Variants in PHYHIPL observed in about 807,000 individuals in gnomAD.
The protein encoded by PHYHIPL is phytanoyl-CoA 2-hydroxylase interacting protein like.
Under a neutral mutation model 33.4 loss-of-function variants are expected in PHYHIPL, and 9 were observed. The ratio of observed to expected loss-of-function variants is 0.27; its 90% CI spans 0.16 to 0.47. The LOEUF is 0.47. Among genes scored for constraint, PHYHIPL ranks in the 20% least tolerant of loss-of-function variants. The pLI is 0.99. For synonymous variants in PHYHIPL, 153 were observed against 154.1 expected (o/e 0.99, Z 0.05); for missense variants, 365 against 460.7 (o/e 0.79, Z 1.90).
chr10:59,177,106 C>T, intron 1 of PHYHIPL, 147 bp downstream of exon 1: 1 of 661,232 alleles, frequency 1.5e-6, no homozygotes, highest in South Asian at 2.0e-5. Context: ...GGTTACCCTC[C>T]GCCCACCGCC....
rs532480078 is a variant in PHYHIPL at position 59,231,928 on chromosome 10, A to G, written c.107-2376A>G. Among the ~76,000 whole-genome samples, 7 of 152,170 alleles carry G rather than the reference A, an allele frequency of 4.6e-5. No homozygotes were observed. The East Asian group carries it at 1.3e-3, about 29-fold the overall frequency. On this transcript the variant is annotated intron_variant, in intron 1 of 4. Transcript: ENST00000373880. ...TAGCAAAATAAAAAAATTAAAATGT[A>G]CCTCCACCTTGGGGGGAAAAGTTCT... is the stretch of plus-strand genomic sequence containing the variant.
intron 1 of PHYHIPL, among the ~76,000 whole-genome samples, chr10:59,197,144 T>C (rs16913289): frequency 0.091 from 13,865 of 152,226 alleles, 1,558 homozygotes; most frequent in African/African-American, 0.26. Context: ...TTCTCAGGCA[T>C]TGACCTTCAG....
At chr10:59,176,624 G>T, upstream of PHYHIPL, 1 of 367,170 alleles carries the variant, frequency 2.7e-6, no homozygotes, top group Admixed American at 4.7e-5. Context: ...TCCTCGCGCC[G>T]GGTCCTGCTC....
At chr10:59,177,961 A>T (rs938914164) in intron 1 of PHYHIPL, among the ~76,000 whole-genome samples, 2 of 152,230 alleles carry the variant, frequency 1.3e-5, no homozygotes, top group African/African-American at 4.8e-5. Context: ...GTTTAACTGT[A>T]TATAGAGGTA....
Position 59,240,756 on chromosome 10 carries a change from A to G in PHYHIPL, c.596+2051A>G, listed in dbSNP as rs79484639. 9.6e-3 allele frequency among the ~76,000 whole-genome samples: 1,461 copies of G among 152,208 alleles called. 5 individuals carry two copies. The highest frequency in any genetic ancestry group is 0.021 in the Admixed American group (317 of 15,270). ...GGTTTATATTCCTGGAACATTGCCA[A>G]TATCTATTTTAGGTGGCCACTGGAG... On this transcript the variant is annotated intron_variant, in intron 4 of 4. Transcript: ENST00000373880.
chr10:59,216,494 A>T (rs1839616160), intron 1 of PHYHIPL, among the ~76,000 whole-genome samples: 1 of 152,028 alleles, frequency 6.6e-6, no homozygotes, highest in African/African-American at 2.4e-5. Context: ...GCATTTTTTC[A>T]TGGACTGCTT....
At chr10:59,205,760 G>A (rs569276403) in intron 1 of PHYHIPL, among the ~76,000 whole-genome samples, 1 of 152,166 alleles carries the variant, frequency 6.6e-6, no homozygotes, top group African/African-American at 2.4e-5. Context: ...TATTTTTCAG[G>A]CAGAAAAAGG....
chr10:59,180,316 A>ATG (rs1219566088), intron 1 of PHYHIPL, among the ~76,000 whole-genome samples: 71 of 5,886 alleles, frequency 0.012, no homozygotes, highest in South Asian at 0.068. Flanking sequence ...TAGAAAAAGT[A>ATG]TATATATATA....
chr10:59,182,319 T>C (rs1186104135), intron 1 of PHYHIPL, among the ~76,000 whole-genome samples: 1 of 152,154 alleles, frequency 6.6e-6, no homozygotes, highest in East Asian at 1.9e-4. Context: ...TATACCTCCT[T>C]TTTAAACTTT....
intron 4 of PHYHIPL, among the ~76,000 whole-genome samples, chr10:59,242,136 A>G (rs1015305722): frequency 1.3e-5 from 2 of 152,162 alleles, no homozygotes; most frequent in Non-Finnish European, 2.9e-5. Flanking sequence ...GTGGTATCAG[A>G]GAAGCCTGAA....
intron 1 of PHYHIPL, among the ~76,000 whole-genome samples, chr10:59,182,707 A>T (rs1215939909): frequency 6.6e-6 from 1 of 152,176 alleles, no homozygotes; most frequent in African/African-American, 2.4e-5. Flanking sequence ...GTATAGAAGA[A>T]TAGGACAGTC....
At chr10:59,239,137 T>A (rs1451605769) in intron 4 of PHYHIPL, among the ~76,000 whole-genome samples, 1 of 151,994 alleles carries the variant, frequency 6.6e-6, no homozygotes, top group African/African-American at 2.4e-5. Context: ...GACTTCTACC[T>A]AAGTAGAAGT....
Position 59,238,657 on chromosome 10 carries a change from T to A in PHYHIPL, c.548T>A (p.Phe183Tyr). 6.2e-7 allele frequency: 1 copy of A among 1,608,554 alleles called. No homozygotes were observed. The highest frequency in any genetic ancestry group is 8.5e-7 in the Non-Finnish European group (1 of 1,175,466). The change falls in exon 4 of 5, where the codon TTT (phenylalanine) becomes TAT (tyrosine). Residue 183 changes from phenylalanine (F) to tyrosine (Y), a missense_variant. This residue lies in a region of PHYHIPL where 196 missense variants were observed against 224.9 expected (regional missense o/e 0.87). Transcript: ENST00000373880. ...AEVIAGRMLK[F>Y]SVFYRNQHKE... ...GTGATTGCAGGACGCATGCTTAAGT[T>A]TTCTGTTTTTTATCGTAATCAGCAC...
At chr10:59,182,290 C>A (rs1838432032) in intron 1 of PHYHIPL, among the ~76,000 whole-genome samples, 1 of 152,016 alleles carries the variant, frequency 6.6e-6, no homozygotes, top group Non-Finnish European at 1.5e-5. Flanking sequence ...TAATTAAATT[C>A]TATTTTTACT....
At chr10:59,217,271 T>A (rs966683625) in intron 1 of PHYHIPL, among the ~76,000 whole-genome samples, 1 of 152,104 alleles carries the variant, frequency 6.6e-6, no homozygotes, top group Non-Finnish European at 1.5e-5. Context: ...ATCAATTTTT[T>A]AAGCAGTGAT....
chr10:59,224,004 C>T (rs1027757215), intron 1 of PHYHIPL, among the ~76,000 whole-genome samples: 5 of 152,066 alleles, frequency 3.3e-5, no homozygotes, highest in African/African-American at 9.7e-5. Flanking sequence ...CTCAGAGAGA[C>T]TAAATGATGT....
intron 1 of PHYHIPL, among the ~76,000 whole-genome samples, chr10:59,213,929 A>G (rs988388009): frequency 5.9e-5 from 9 of 152,222 alleles, no homozygotes; most frequent in African/African-American, 1.7e-4. Flanking sequence ...TTGTCAGTGG[A>G]TACTCAGCCT....
At chr10:59,181,111 T>C (rs896160395) in intron 1 of PHYHIPL, among the ~76,000 whole-genome samples, 1 of 152,192 alleles carries the variant, frequency 6.6e-6, no homozygotes, top group Non-Finnish European at 1.5e-5. Context: ...GTGGGTATAA[T>C]ACCAATCCTG....
Position 59,245,088 on chromosome 10 carries a change from G to A in PHYHIPL, c.628G>A (p.Val210Ile). The change falls in exon 5 of 5, where the codon GTC becomes ATC. Residue 210 changes from valine to isoleucine, a missense_variant. Val to Ile is a conservative substitution (Grantham distance 29). This residue lies in a region of PHYHIPL where 196 missense variants were observed against 224.9 expected (regional missense o/e 0.87). Transcript: ENST00000373880. The part of the protein sequence containing the change: ...EHHGNAMQPS[V>I]KDNSGSHGSP... ...TCATGGGAATGCTATGCAGCCATCT[G>A]TCAAGGATAACAGTGGTAGCCATGG... 1 of 1,613,040 alleles carries A rather than the reference G, an allele frequency of 6.2e-7. No homozygotes were observed. Among genetic ancestry groups the A allele is most frequent in the South Asian group, 1.1e-5 (1 of 90,906 alleles).
Sources: allele counts gnomAD v4.1 joint callset (sites outside exome capture counted in the v4.1 genomes callset), GRCh38; gene constraint gnomAD v4.1.1; regional missense constraint gnomAD v4.1.1; transcripts MANE v1.5; gene names NCBI Gene and HGNC (gene_info 2026-07-23, HGNC 2026-07-21).